The following OR2L13 variants were observed in gnomAD, a reference collection of about 807,000 sequenced individuals.
OR2L13 encodes the protein olfactory receptor family 2 subfamily L member 13.
A neutral mutation model predicts 15.3 loss-of-function variants in OR2L13; 14 were observed. The observed-to-expected ratio is 0.91, with a 90% CI of 0.60 to 1.43. The LOEUF (loss-of-function observed/expected upper bound fraction) is 1.43, where lower values mean the gene tolerates loss of function less well. Ranked by LOEUF, OR2L13 falls within the 40% of genes most tolerant of loss-of-function variation. The pLI is 0.00. For synonymous variants in OR2L13, 152 were observed against 142.9 expected, an observed-to-expected ratio of 1.06 and a Z score of -0.45; for missense variants, 367 against 387.9, an observed-to-expected ratio of 0.95 and a Z score of 0.45.
chr1:247,947,764 G>C, the OR2L13 span, among the ~76,000 whole-genome samples: 1 of 152,120 alleles, frequency 6.6e-6, no homozygotes, highest in East Asian at 1.9e-4. Context: ...ATGACTTTCC[G>C]TAAAAGGGAC....
At chr1:248,011,636 C>A in the OR2L13 span, among the ~76,000 whole-genome samples, 1 of 152,070 alleles carries the variant, frequency 6.6e-6, no homozygotes, top group East Asian at 1.9e-4. Context: ...TTCTTGGAGG[C>A]TATGATCTTT....
At chr1:248,000,296 C>A in the OR2L13 span, among the ~76,000 whole-genome samples, 2 of 152,062 alleles carry the variant, frequency 1.3e-5, no homozygotes, top group African/African-American at 2.4e-5. Flanking sequence ...AGAATCTGAA[C>A]TCAAGAAGAC....
the OR2L13 span, among the ~76,000 whole-genome samples, chr1:248,011,768 C>A: frequency 6.6e-6 from 1 of 152,098 alleles, no homozygotes; most frequent in Admixed American, 6.6e-5. Context: ...GCTGTTTTGG[C>A]ATTTTGGTCT....
the OR2L13 span, chr1:247,990,805 G>A: frequency 6.2e-7 from 1 of 1,602,862 alleles, no homozygotes; most frequent in Non-Finnish European, 8.5e-7. Flanking sequence ...TTTCTGTGAT[G>A]TTCCAGCTAT....
the OR2L13 span, among the ~76,000 whole-genome samples, chr1:247,958,844 G>A: frequency 1.3e-5 from 2 of 151,934 alleles, no homozygotes; most frequent in South Asian, 2.1e-4. Flanking sequence ...GTCTCTGCAC[G>A]TGAGATGGTT....
chr1:248,100,525 C>T (rs967807425), exon 3 of OR2L13: 17 of 269,768 alleles, frequency 6.3e-5, no homozygotes, highest in Non-Finnish European at 1.2e-4. Flanking sequence ...ACATAGCATA[C>T]TATTTCAATA....
chr1:248,053,450 A>T, the OR2L13 span, among the ~76,000 whole-genome samples: 1 of 152,222 alleles, frequency 6.6e-6, no homozygotes, highest in Non-Finnish European at 1.5e-5. Context: ...AATAATTTAT[A>T]TTCCTTTGGG....
chr1:248,048,923 C>T, the OR2L13 span, among the ~76,000 whole-genome samples: 10,886 of 141,622 alleles, frequency 0.077, 1,373 homozygotes, highest in African/African-American at 0.26. Flanking sequence ...TTCTCTCTCT[C>T]TTTTTTTTTT....
At chr1:247,940,650 G>A in the OR2L13 span, among the ~76,000 whole-genome samples, 1 of 151,918 alleles carries the variant, frequency 6.6e-6, no homozygotes, top group Non-Finnish European at 1.5e-5. Context: ...TGTCTTTGCT[G>A]TTGTGAATAG....
At chr1:248,090,757 G>A (rs1664577714), upstream of OR2L13, among the ~76,000 whole-genome samples, 2 of 152,282 alleles carry the variant, frequency 1.3e-5, no homozygotes, top group Non-Finnish European at 2.9e-5. Context: ...ACATGTGCAG[G>A]TTACTTTATT....
chr1:247,996,367 C>T, the OR2L13 span, among the ~76,000 whole-genome samples: 3 of 152,188 alleles, frequency 2.0e-5, no homozygotes, highest in African/African-American at 7.2e-5. Context: ...TATGATTATG[C>T]ATTTAAAGAT....
chr1:248,010,654 G>C, the OR2L13 span, among the ~76,000 whole-genome samples: 1 of 150,372 alleles, frequency 6.7e-6, no homozygotes, highest in Non-Finnish European at 1.5e-5. Context: ...TCTTCTTGTT[G>C]TATTGATCCC....
At chr1:247,958,427 G>T in the OR2L13 span, among the ~76,000 whole-genome samples, 1 of 152,264 alleles carries the variant, frequency 6.6e-6, no homozygotes, top group African/African-American at 2.4e-5. Context: ...TGTTGATTTG[G>T]GGTGGAGAGT....
the OR2L13 span, among the ~76,000 whole-genome samples, chr1:247,983,669 A>G: frequency 6.6e-6 from 1 of 152,192 alleles, no homozygotes; most frequent in Admixed American, 6.5e-5. Context: ...ATAATGTAAT[A>G]TGATAGAATT....
At chr1:247,991,674 G>A in the OR2L13 span, among the ~76,000 whole-genome samples, 2,565 of 149,346 alleles carry the variant, frequency 0.017, 266 homozygotes, top group African/African-American at 0.06. Context: ...TGGTATTCTC[G>A]TGCAAGACAT....
the OR2L13 span, chr1:248,035,745 A>G: frequency 2.0e-5 from 3 of 152,112 alleles, no homozygotes; most frequent in African/African-American, 7.2e-5. Context: ...GACTCATGAC[A>G]TAGGCCACAG....
At chr1:247,948,803 A>T in the OR2L13 span, 5 of 1,445,186 alleles carry the variant, frequency 3.5e-6, no homozygotes, top group South Asian at 4.0e-5. Flanking sequence ...AGGGCGAATT[A>T]CTGTACGTAA....
the OR2L13 span, among the ~76,000 whole-genome samples, chr1:247,971,892 A>T: frequency 6.6e-6 from 1 of 152,218 alleles, no homozygotes; most frequent in African/African-American, 2.4e-5. Flanking sequence ...CAGCAAATGC[A>T]AAAGGGCAGA....
chr1:248,075,982 G>A, the OR2L13 span, among the ~76,000 whole-genome samples: 1 of 152,222 alleles, frequency 6.6e-6, no homozygotes, highest in African/African-American at 2.4e-5. Flanking sequence ...ATGGTTTTAG[G>A]TCTAACATTT....
Sources: allele counts gnomAD v4.1 joint callset (sites outside exome capture counted in the v4.1 genomes callset), GRCh38; gene constraint gnomAD v4.1.1; transcripts MANE v1.5; gene names NCBI Gene and HGNC (gene_info 2026-07-23, HGNC 2026-07-21).